Variants in CYTH1 observed in about 807,000 individuals in gnomAD.
The protein encoded by CYTH1 is cytohesin 1.
CYTH1 carries 18 observed loss-of-function variants against 61.8 expected under a neutral mutation model. That is an observed-to-expected ratio of 0.29 (90% CI 0.20 to 0.43). CYTH1 has a LOEUF of 0.43. CYTH1 is among the 20% of genes least tolerant of loss of function. The pLI, the probability that CYTH1 is intolerant of heterozygous loss-of-function variation, is 1.00. For synonymous variants in CYTH1, 174 were observed against 184.3 expected, an observed-to-expected ratio of 0.94 and a Z score of 0.45; for missense variants, 336 against 510.5, an observed-to-expected ratio of 0.66 and a Z score of 3.29.
At chr17:78,694,703 A>G (rs187833053) in intron 10 of CYTH1, among the ~76,000 whole-genome samples, 331 of 152,302 alleles carry the variant, frequency 2.2e-3, no homozygotes, top group African/African-American at 7.1e-3. Flanking sequence ...CTTCGGACAT[A>G]GGAGATCATG....
intron 1 of CYTH1, chr17:78,736,849 C>A: frequency 4.4e-6 from 1 of 227,130 alleles, no homozygotes. Context: ...GCTGTCCAGC[C>A]ACTAGGGCAG....
chr17:78,778,052 T>C (rs1306587148), intron 1 of CYTH1, among the ~76,000 whole-genome samples: 7 of 151,746 alleles, frequency 4.6e-5, no homozygotes, highest in African/African-American at 9.7e-5. Context: ...CCTGTAATCC[T>C]AGCACTTTGA....
rs1317127354 is a variant in CYTH1 at position 78,760,452 on chromosome 17, TATAC to T, written c.22+21746_22+21749del. ...ACATACATATATATATGTATATATA[TATAC>T]ATACATATATATATGTATATATATG... On this transcript the variant is annotated intron_variant, in intron 1 of 13. Coordinates refer to ENST00000446868, the MANE Select transcript of CYTH1 (RefSeq NM_004762.6). Among the ~76,000 whole-genome samples, 16 of 54,564 alleles carry T rather than the reference TATAC, an allele frequency of 2.9e-4. 2 individuals are homozygous for T. The highest frequency in any genetic ancestry group is 9.6e-4 in the East Asian group (2 of 2,086). 35.8% of individuals were successfully genotyped at this position (54,564 alleles called of 152,430 possible). A position where few individuals can be genotyped will look rare whatever the true frequency, so the allele number is the denominator to read the frequency against.
chr17:78,714,290 A>T (rs1379791493), intron 1 of CYTH1, among the ~76,000 whole-genome samples: 1 of 152,114 alleles, frequency 6.6e-6, no homozygotes, highest in Non-Finnish European at 1.5e-5. Flanking sequence ...CCTCCATCTC[A>T]AAAAAATTTA....
In CYTH1 at chr17:78,692,591, G is replaced by A. The variant is rs2092899817; in HGVS notation, c.815-98C>T. On this transcript the variant is annotated intron_variant, in intron 10 of 13. Coordinates refer to ENST00000446868, the MANE Select transcript of CYTH1 (RefSeq NM_004762.6). Reference sequence around the variant, plus strand: ...ACCCTCTCTTCTCAGAGAGGGTTGGGGGAGAGGCATCAGGAGAACGTGGAG... The same window carrying A: ...ACCCTCTCTTCTCAGAGAGGGTTGGAGGAGAGGCATCAGGAGAACGTGGAG... The A allele has an allele frequency of 3.5e-6, 4 of 1,150,832 alleles. No homozygotes were observed. In the South Asian group the frequency reaches 5.1e-5, roughly 15 times the overall value. The allele number at this position is 1,150,832 out of a possible 1,614,324, so 71.3% of individuals were successfully genotyped here. A position where few individuals can be genotyped will look rare whatever the true frequency, so the allele number is the denominator to read the frequency against.
chr17:78,730,654 G>A (rs60482151), intron 1 of CYTH1, among the ~76,000 whole-genome samples: 8,019 of 151,654 alleles, frequency 0.053, 386 homozygotes, highest in South Asian at 0.15. Context: ...TACAAGTTAC[G>A]AAATTATTAT....
At chr17:78,751,149 C>G (rs543021530) in intron 1 of CYTH1, among the ~76,000 whole-genome samples, 37 of 152,056 alleles carry the variant, frequency 2.4e-4, no homozygotes, top group South Asian at 1.2e-3. Flanking sequence ...GGGACATGGG[C>G]TCTATTTTTA....
chr17:78,726,036 AAC>A (rs2093264601), intron 1 of CYTH1, among the ~76,000 whole-genome samples: 1 of 151,324 alleles, frequency 6.6e-6, no homozygotes, highest in African/African-American at 2.4e-5. Flanking sequence ...CTCATAATTC[AAC>A]AGTCTTTTTT....
chr17:78,715,962 C>A (rs969557080), intron 1 of CYTH1, among the ~76,000 whole-genome samples: 1 of 152,164 alleles, frequency 6.6e-6, no homozygotes, highest in African/African-American at 2.4e-5. Context: ...ATGGTCCCCA[C>A]AGCTTCCTCC....
rs764290312 is a variant in CYTH1 at position 78,698,354 on chromosome 17, T to C, written c.726A>G (p.Glu242=). Reference sequence around the variant, plus strand: ...CGTCGTCTTCTGGGATTTTAAAGGGTTCATTTTTTATGCTCTCATAGAGAT... The same window carrying C: ...CGTCGTCTTCTGGGATTTTAAAGGGCTCATTTTTTATGCTCTCATAGAGAT... The part of the protein sequence containing the change: ...LRNLYESIKN[E]PFKIPEDDGN... Residue 242 remains glutamate (E), a synonymous_variant, in exon 9 of 14, where the codon GAA becomes GAG. Transcript: ENST00000446868. 24 of 1,612,988 alleles carry C rather than the reference T, an allele frequency of 1.5e-5. No individual in the cohort carries two copies. Among genetic ancestry groups the C allele is most frequent in the Admixed American group, 5.0e-5 (3 of 59,738 alleles).
intron 1 of CYTH1, among the ~76,000 whole-genome samples, chr17:78,770,518 A>G (rs1039689949): frequency 2.0e-5 from 3 of 151,940 alleles, no homozygotes; most frequent in African/African-American, 7.2e-5. Context: ...TCCCGGGTTC[A>G]AGCGATTCTC....
chr17:78,714,297 T>C (rs1282162580), intron 1 of CYTH1, among the ~76,000 whole-genome samples: 5 of 151,300 alleles, frequency 3.3e-5, no homozygotes, highest in East Asian at 3.9e-4. Context: ...CTCAAAAAAA[T>C]TTAAAAATTT....
At chr17:78,756,073 A>AT (rs1169112425) in intron 1 of CYTH1, among the ~76,000 whole-genome samples, 81 of 118,608 alleles carry the variant, frequency 6.8e-4, no homozygotes, top group East Asian at 2.6e-3. Flanking sequence ...TTATTTATTT[A>AT]TTTTTATTTT....
intron 1 of CYTH1, among the ~76,000 whole-genome samples, chr17:78,766,883 G>C (rs979628695): frequency 6.6e-6 from 1 of 152,194 alleles, no homozygotes; most frequent in Non-Finnish European, 1.5e-5. Flanking sequence ...CCTGTGCATG[G>C]AGCCTGAGAA....
intron 1 of CYTH1, among the ~76,000 whole-genome samples, chr17:78,751,289 T>G (rs2093379227): frequency 6.6e-6 from 1 of 152,132 alleles, no homozygotes; most frequent in Admixed American, 6.6e-5. Context: ...AACTGTTGAT[T>G]CATTAACATT....
At chr17:78,758,954 C>A (rs1774198580) in intron 1 of CYTH1, among the ~76,000 whole-genome samples, 1 of 151,964 alleles carries the variant, frequency 6.6e-6, no homozygotes, top group South Asian at 2.1e-4. Flanking sequence ...CTACTTTCGG[C>A]ATCCACGGAG....
At chr17:78,710,249 C>G (rs1261946383) in intron 1 of CYTH1, among the ~76,000 whole-genome samples, 1 of 152,124 alleles carries the variant, frequency 6.6e-6, no homozygotes, top group Non-Finnish European at 1.5e-5. Context: ...TATGTATGCA[C>G]TGAGAAATAA....
At chr17:78,741,582 GC>G (rs1251768991) in intron 1 of CYTH1, among the ~76,000 whole-genome samples, 3 of 152,078 alleles carry the variant, frequency 2.0e-5, no homozygotes, top group East Asian at 1.9e-4. Context: ...GAGTAATAAA[GC>G]CCCCCAGACT....
intron 1 of CYTH1, among the ~76,000 whole-genome samples, chr17:78,743,456 C>T (rs2093348970): frequency 6.6e-6 from 1 of 152,162 alleles, no homozygotes; most frequent in African/African-American, 2.4e-5. Context: ...AAATCCTAAA[C>T]GTTGTGAGTG....
Sources: gnomAD v4.1 joint callset for allele counts (sites outside exome capture counted in the v4.1 genomes callset) on GRCh38, gnomAD v4.1.1 for gene constraint, MANE v1.5 for transcripts, NCBI Gene and HGNC (gene_info 2026-07-23, HGNC 2026-07-21) for gene names.